The following GABBR2 variants were observed in gnomAD, a reference collection of about 807,000 sequenced individuals.
The protein encoded by GABBR2 is G-protein coupled receptor 51.
A neutral mutation model predicts 105.6 loss-of-function variants in GABBR2; 23 were observed. That is an observed-to-expected ratio of 0.22 (90% CI 0.16 to 0.31). The LOEUF is 0.31. Ranked by LOEUF, GABBR2 falls within the 10% of genes least tolerant of loss-of-function variation. GABBR2 has a pLI of 1.00. For missense variants in GABBR2, 734 were observed against 1,245.5 expected (o/e 0.59, Z 6.18); for synonymous variants, 478 against 499.7 (o/e 0.96, Z 0.58).
At chr9:98,389,093 G>A in intron 9 of GABBR2, 89 bp from the exon 10 acceptor site, 1 of 1,161,974 alleles carries the variant, frequency 8.6e-7, no homozygotes, top group Non-Finnish European at 1.2e-6. Context: ...CATCCAGCCA[G>A]GCCCTGCGCA....
At chr9:98,696,878 G>C (rs1393432603) in intron 1 of GABBR2, among the ~76,000 whole-genome samples, 1 of 152,148 alleles carries the variant, frequency 6.6e-6, no homozygotes, top group Non-Finnish European at 1.5e-5. Context: ...GAAAGTGCAG[G>C]GTTGGCTGTA....
intron 13 of GABBR2, among the ~76,000 whole-genome samples, chr9:98,362,170 G>C (rs1454100970): frequency 2.6e-5 from 4 of 152,184 alleles, no homozygotes; most frequent in African/African-American, 9.7e-5. Context: ...CCCTAATCTG[G>C]AGAATCCTAG....
intron 1 of GABBR2, among the ~76,000 whole-genome samples, chr9:98,646,076 C>G (rs959827936): frequency 6.6e-6 from 1 of 152,106 alleles, no homozygotes; most frequent in African/African-American, 2.4e-5. Context: ...GTTAACACAG[C>G]GGGTCTGAGA....
chr9:98,573,694 G>C (rs576018390), intron 2 of GABBR2, among the ~76,000 whole-genome samples: 2 of 152,242 alleles, frequency 1.3e-5, no homozygotes, highest in African/African-American at 4.8e-5. Context: ...TTTAATAAGA[G>C]AATACTGTAC....
At chr9:98,558,575 G>T (rs4743235) in intron 2 of GABBR2, among the ~76,000 whole-genome samples, 9,924 of 152,188 alleles carry the variant, frequency 0.065, 416 homozygotes, top group African/African-American at 0.1. Context: ...AAACCCATTC[G>T]CTTCTCCACA....
At chr9:98,515,899 A>G (rs926957302) in intron 3 of GABBR2, 2 of 152,310 alleles carry the variant, frequency 1.3e-5, no homozygotes, top group Non-Finnish European at 2.9e-5. Context: ...CAGAGGGTCA[A>G]GACTGATACT....
chr9:98,321,915 C>T (rs1830828946), intron 13 of GABBR2, among the ~76,000 whole-genome samples: 1 of 152,176 alleles, frequency 6.6e-6, no homozygotes, highest in Admixed American at 6.5e-5. Flanking sequence ...CAGCCCAGCC[C>T]TGGCCTGAAA....
At chr9:98,359,862 G>A (rs1388408248) in intron 13 of GABBR2, among the ~76,000 whole-genome samples, 1 of 152,218 alleles carries the variant, frequency 6.6e-6, no homozygotes, top group African/African-American at 2.4e-5. Context: ...ACTGGGGAAT[G>A]TTTGGGATGC....
At chr9:98,614,534 A>T (rs927648257) in intron 1 of GABBR2, among the ~76,000 whole-genome samples, 2 of 152,366 alleles carry the variant, frequency 1.3e-5, no homozygotes, top group East Asian at 1.9e-4. Context: ...TCAAAAAAAT[A>T]AATTAATTAA....
intron 1 of GABBR2, among the ~76,000 whole-genome samples, chr9:98,634,814 G>A (rs2131831354): frequency 6.6e-6 from 1 of 152,278 alleles, no homozygotes; most frequent in African/African-American, 2.4e-5. Context: ...GTGATCCTTG[G>A]AACTGGAACG....
chr9:98,589,330 C>G lies in GABBR2; in HGVS notation c.322-11258G>C, dbSNP rs530495400. Among the ~76,000 whole-genome samples the G allele has an allele frequency of 5.3e-5, 8 of 152,338 alleles. No homozygotes were observed. In the South Asian group the frequency reaches 1.7e-3, roughly 32 times the overall value. Reference sequence around the variant, plus strand: ...AGGAATTTCCCCAGGGCCCCTCTAACTCTGAGCATCTGCTTCCCAGAACAC... The same window carrying G: ...AGGAATTTCCCCAGGGCCCCTCTAAGTCTGAGCATCTGCTTCCCAGAACAC... On this transcript the variant is annotated intron_variant, in intron 1 of 18. Transcript: ENST00000259455.
intron 13 of GABBR2, among the ~76,000 whole-genome samples, chr9:98,322,882 T>C (rs571595590): frequency 1.3e-5 from 2 of 152,220 alleles, no homozygotes; most frequent in Admixed American, 6.5e-5. Context: ...GTTGGACTCT[T>C]TCCTGTTCCG....
intron 3 of GABBR2, chr9:98,516,272 TGGCC>T (rs930792492): frequency 6.6e-6 from 1 of 152,270 alleles, no homozygotes; most frequent in African/African-American, 2.4e-5. Context: ...CTTCACCTCC[TGGCC>T]CCAAGGTCTG....
intron 3 of GABBR2, among the ~76,000 whole-genome samples, chr9:98,532,398 T>C (rs1461197864): frequency 6.6e-6 from 1 of 152,184 alleles, no homozygotes. Context: ...CAGATAAAAG[T>C]TGGGGCCCGA....
At chr9:98,554,486 CA>C (rs1828550799) in intron 2 of GABBR2, among the ~76,000 whole-genome samples, 1 of 152,126 alleles carries the variant, frequency 6.6e-6, no homozygotes, top group African/African-American at 2.4e-5. Context: ...ACATATGAAA[CA>C]AAAATCGTAC....
chr9:98,702,641 C>A (rs971120072), intron 1 of GABBR2, among the ~76,000 whole-genome samples: 7 of 152,192 alleles, frequency 4.6e-5, no homozygotes, highest in Admixed American at 4.6e-4. Flanking sequence ...ACACTGCACA[C>A]TTTTTTGCTT....
chr9:98,573,643 T>C (rs960966160), intron 2 of GABBR2, among the ~76,000 whole-genome samples: 33 of 152,180 alleles, frequency 2.2e-4, no homozygotes, highest in African/African-American at 7.2e-4. Flanking sequence ...ATTTACCATC[T>C]TTACCAATTT....
chr9:98,491,024 C>G (rs1333576902), intron 4 of GABBR2, among the ~76,000 whole-genome samples: 2 of 151,756 alleles, frequency 1.3e-5, no homozygotes, highest in Non-Finnish European at 2.9e-5. Flanking sequence ...GTGAACTGTC[C>G]AAGAGTGAGA....
At chr9:98,334,763 C>T (rs1342053920) in intron 13 of GABBR2, among the ~76,000 whole-genome samples, 1 of 152,224 alleles carries the variant, frequency 6.6e-6, no homozygotes, top group Non-Finnish European at 1.5e-5. Flanking sequence ...CTGACATGAA[C>T]AGAGCATCTT....
Sources: allele counts gnomAD v4.1 joint callset (sites outside exome capture counted in the v4.1 genomes callset), GRCh38; gene constraint gnomAD v4.1.1; transcripts MANE v1.5; gene names NCBI Gene and HGNC (gene_info 2026-07-23, HGNC 2026-07-21).